Variants in DTD1 observed in about 807,000 individuals in gnomAD.
DTD1 encodes D-tyrosyl-tRNA deacylase 1 homolog.
In DTD1, 13 loss-of-function variants were observed where a neutral mutation model predicts 25.6. The ratio of observed to expected loss-of-function variants is 0.51; its 90% confidence interval spans 0.33 to 0.81. The LOEUF (loss-of-function observed/expected upper bound fraction) is 0.81. Ranked by LOEUF, DTD1 falls within the 30% of genes least tolerant of loss-of-function variation. The pLI, the probability that DTD1 is intolerant of heterozygous loss-of-function variation, is 0.02. For synonymous variants in DTD1, 110 were observed against 103.6 expected, an observed-to-expected ratio of 1.06 and a Z score of -0.37; for missense variants, 193 against 266.4, an observed-to-expected ratio of 0.72 and a Z score of 1.92.
At chr20:18,668,265 T>C (rs1393388970) in intron 4 of DTD1, among the ~76,000 whole-genome samples, 1 of 152,268 alleles carries the variant, frequency 6.6e-6, no homozygotes, top group Non-Finnish European at 1.5e-5. Flanking sequence ...GCATGAGTGC[T>C]GAGTGCTACC....
chr20:18,716,348 T>G (rs1430435530), intron 4 of DTD1, among the ~76,000 whole-genome samples: 1 of 152,224 alleles, frequency 6.6e-6, no homozygotes, highest in African/African-American at 2.4e-5. Context: ...GATTCAGGTT[T>G]GTGGCACGTG....
At chr20:18,747,506 A>G (rs555205714) in intron 5 of DTD1, among the ~76,000 whole-genome samples, 2 of 152,330 alleles carry the variant, frequency 1.3e-5, no homozygotes, top group South Asian at 4.1e-4. Context: ...CTTGAATGAA[A>G]GGTGCAGGGA....
chr20:18,715,840 G>A (rs2061178244), intron 4 of DTD1, among the ~76,000 whole-genome samples: 1 of 152,148 alleles, frequency 6.6e-6, no homozygotes, highest in Non-Finnish European at 1.5e-5. Flanking sequence ...TTCATGTCCT[G>A]CGCTGCTTTA....
chr20:18,689,230 T>C (rs2061031970), intron 4 of DTD1, among the ~76,000 whole-genome samples: 1 of 152,176 alleles, frequency 6.6e-6, no homozygotes, highest in African/African-American at 2.4e-5. Flanking sequence ...TTCCCTCCCA[T>C]GTGAACAGAT....
intron 5 of DTD1, among the ~76,000 whole-genome samples, 175 bp downstream of exon 5, chr20:18,744,446 G>A (rs540994922): frequency 2.0e-5 from 3 of 152,164 alleles, no homozygotes; most frequent in East Asian, 1.9e-4. Flanking sequence ...CCGTTTTCAC[G>A]CTGCTGATAA....
chr20:18,708,491 G>T lies in DTD1; in HGVS notation c.478-35609G>T, dbSNP rs1407953507. ...GTGCCTCAGCCTCCCAAGTAGCTGG[G>T]ATTACAGCCACGCACAACCACACCT... On this transcript the variant is annotated intron_variant, in intron 4 of 5. Coordinates refer to ENST00000377452, the MANE Select transcript of DTD1 (RefSeq NM_080820.6). Among the ~76,000 whole-genome samples, 12 of 147,854 alleles carry T rather than the reference G, an allele frequency of 8.1e-5. No homozygotes were observed. In the Admixed American group the frequency reaches 8.3e-4, roughly 10 times the overall value.
intron 4 of DTD1, among the ~76,000 whole-genome samples, chr20:18,714,297 GTTTGTT>G (rs887443423): frequency 3.9e-5 from 6 of 152,152 alleles, no homozygotes; most frequent in Non-Finnish European, 7.4e-5. Context: ...CCACTTGTGT[GTTTGTT>G]TATTTCCTCT....
At chr20:18,639,877 C>T (rs1568655334) in intron 4 of DTD1, among the ~76,000 whole-genome samples, 2 of 152,028 alleles carry the variant, frequency 1.3e-5, no homozygotes, top group African/African-American at 2.4e-5. Context: ...CATAATATCC[C>T]CCGGGCAGTG....
chr20:18,670,713 A>G (rs1453454175), intron 4 of DTD1, among the ~76,000 whole-genome samples: 2 of 152,192 alleles, frequency 1.3e-5, no homozygotes, highest in African/African-American at 2.4e-5. Context: ...TCCTGCTCAC[A>G]TCCAATCTTG....
intron 3 of DTD1, among the ~76,000 whole-genome samples, chr20:18,624,838 T>C (rs2060750865): frequency 6.6e-6 from 1 of 152,194 alleles, no homozygotes; most frequent in South Asian, 2.1e-4. Context: ...GACCTCAGGA[T>C]GTAGGCATAG....
At chr20:18,688,649 G>A (rs940650267) in intron 4 of DTD1, among the ~76,000 whole-genome samples, 2 of 152,026 alleles carry the variant, frequency 1.3e-5, no homozygotes, top group African/African-American at 4.8e-5. Flanking sequence ...TGCCGGGAAC[G>A]ACCCATCTTT....
At chr20:18,734,222 CT>C (rs532149818) in intron 4 of DTD1, among the ~76,000 whole-genome samples, 1 of 152,214 alleles carries the variant, frequency 6.6e-6, no homozygotes, top group Non-Finnish European at 1.5e-5. Flanking sequence ...CCTCCTCCTT[CT>C]TTCCCCGTCC....
At chr20:18,621,120 G>A (rs1462472641) in intron 3 of DTD1, among the ~76,000 whole-genome samples, 7 of 152,132 alleles carry the variant, frequency 4.6e-5, no homozygotes, top group East Asian at 1.9e-4. Context: ...ATTCCAAACC[G>A]CATTTAGTTG....
intron 4 of DTD1, among the ~76,000 whole-genome samples, chr20:18,729,957 A>C (rs2061234665): frequency 6.6e-6 from 1 of 151,194 alleles, no homozygotes; most frequent in Non-Finnish European, 1.5e-5. Context: ...CCCCTCCTCC[A>C]GTGCTGTCCT....
At position 18,708,876 on chromosome 20, in the gene DTD1, C is replaced by A. The variant is rs574417666; in HGVS notation, c.478-35224C>A. On this transcript the variant is annotated intron_variant, in intron 4 of 5. Transcript: ENST00000377452. ...GAGTGCCCCATACCTCCTGTCATCT[C>A]CATCAGTTCTGAAGGCTGCTCAAAA... Among the ~76,000 whole-genome samples the A allele has an allele frequency of 3.4e-3, 519 of 152,252 alleles. 3 individuals are homozygous for A. The highest frequency in any genetic ancestry group is 0.012 in the African/African-American group (503 of 41,548).
chr20:18,608,246 T>G (rs1282660849), intron 3 of DTD1, among the ~76,000 whole-genome samples: 1 of 152,114 alleles, frequency 6.6e-6, no homozygotes, highest in Non-Finnish European at 1.5e-5. Context: ...ATTGGTGATT[T>G]GTGTCCTCTT....
chr20:18,688,695 G>C (rs1004533123), intron 4 of DTD1, among the ~76,000 whole-genome samples: 1 of 152,034 alleles, frequency 6.6e-6, no homozygotes, highest in African/African-American at 2.4e-5. Context: ...TTTGTTGTCT[G>C]CTCTCATTTT....
At chr20:18,616,576 C>T (rs565106108) in intron 3 of DTD1, among the ~76,000 whole-genome samples, 18 of 151,842 alleles carry the variant, frequency 1.2e-4, no homozygotes, top group Non-Finnish European at 2.2e-4. Context: ...TCACTTCAGC[C>T]CAGGAGTTCT....
intron 4 of DTD1, among the ~76,000 whole-genome samples, chr20:18,644,684 T>A (rs1472764850): frequency 6.6e-6 from 1 of 151,386 alleles, no homozygotes; most frequent in Non-Finnish European, 1.5e-5. Context: ...GTTCCTTTAC[T>A]TGGCATCAGG....
Sources: allele counts gnomAD v4.1 joint callset (sites outside exome capture counted in the v4.1 genomes callset), GRCh38; gene constraint gnomAD v4.1.1; transcripts MANE v1.5; gene names NCBI Gene and HGNC (gene_info 2026-07-23, HGNC 2026-07-21).